The following DGKB variants were observed in gnomAD, a reference collection of about 807,000 sequenced individuals.
DGKB encodes the protein 90 kDa diacylglycerol kinase.
Under a neutral mutation model 114.3 loss-of-function variants are expected in DGKB, and 67 were observed. The observed-to-expected ratio is 0.59, with a 90% CI of 0.48 to 0.72. DGKB has a LOEUF of 0.72. DGKB is among the 30% of genes least tolerant of loss of function. The probability of loss-of-function intolerance (pLI) is 0.00; values close to 1 mark genes in which losing one functional copy is unlikely to be tolerated. For missense variants in DGKB, 907 were observed against 975.2 expected (o/e 0.93, Z 0.93); for synonymous variants, 398 against 323.1 (o/e 1.23, Z -2.49).
At chr7:14,672,761 G>A (rs1316593552) in intron 13 of DGKB, among the ~76,000 whole-genome samples, 168 bp downstream of exon 13, 1 of 152,066 alleles carries the variant, frequency 6.6e-6, no homozygotes, top group Admixed American at 6.6e-5. Context: ...GAAGGAAAAA[G>A]GAAATATAGT....
chr7:14,218,951 C>T (rs1789470361), intron 23 of DGKB, among the ~76,000 whole-genome samples: 1 of 151,794 alleles, frequency 6.6e-6, no homozygotes, highest in Non-Finnish European at 1.5e-5. Flanking sequence ...ATTCTCCCAG[C>T]AACTAATGAT....
intron 21 of DGKB, among the ~76,000 whole-genome samples, chr7:14,461,942 T>G (rs1442299266): frequency 3.9e-5 from 6 of 152,210 alleles, no homozygotes. Context: ...GATGCAAGGC[T>G]GGTTCAACAT....
intron 13 of DGKB, among the ~76,000 whole-genome samples, chr7:14,642,625 A>G (rs186727247): frequency 2.0e-5 from 3 of 152,296 alleles, no homozygotes; most frequent in South Asian, 2.1e-4. Context: ...CAAGCCTATA[A>G]TATTTATTTT....
At chr7:14,973,320 C>G (rs1562915662) in intron 1 of DGKB, among the ~76,000 whole-genome samples, 2 of 151,816 alleles carry the variant, frequency 1.3e-5, no homozygotes, top group African/African-American at 4.8e-5. Context: ...TCTTCCTCAT[C>G]TATATTGTGT....
intron 2 of DGKB, among the ~76,000 whole-genome samples, chr7:14,829,624 A>G (rs914195513): frequency 2.0e-5 from 3 of 152,086 alleles, no homozygotes; most frequent in African/African-American, 7.2e-5. Flanking sequence ...TCTTTGAGGG[A>G]TTGCGTGAAG....
chr7:14,820,873 C>T (rs1003337889), intron 2 of DGKB, among the ~76,000 whole-genome samples: 2 of 152,030 alleles, frequency 1.3e-5, no homozygotes, highest in Admixed American at 1.3e-4. Context: ...CAAGCTGGAC[C>T]CAGAGAACTG....
intron 20 of DGKB, among the ~76,000 whole-genome samples, chr7:14,543,304 C>G (rs1315617826): frequency 6.6e-6 from 1 of 151,780 alleles, no homozygotes. Context: ...ATTAGCCAGG[C>G]ATGGTGGCAT....
rs565447530 is a variant in DGKB, at chr7:14,409,880, A to G, written c.1836-64489T>C. ...TCCTTATGATTTTCTTAATAACACT[A>G]TCTTTTCTCTAGCTTACCTTGTTGT... On this transcript the variant is annotated intron_variant, in intron 21 of 25. Transcript: ENST00000402815. 7.4e-4 allele frequency among the ~76,000 whole-genome samples: 112 copies of G among 152,242 alleles called. 1 individual carries two copies. Among genetic ancestry groups the G allele is most frequent in the African/African-American group, 2.5e-3 (105 of 41,552 alleles).
chr7:14,337,376 A>C (rs911480897), intron 23 of DGKB, among the ~76,000 whole-genome samples: 1 of 152,122 alleles, frequency 6.6e-6, no homozygotes, highest in Non-Finnish European at 1.5e-5. Context: ...TGCTTGTACT[A>C]ATACAATTCT....
chr7:14,672,803 G>T (rs1207972740), intron 13 of DGKB, 126 bp downstream of exon 13: 2 of 486,048 alleles, frequency 4.1e-6, no homozygotes, highest in East Asian at 6.2e-5. Context: ...GAGTAACGAC[G>T]TATTTTAGAT....
At chr7:14,738,006 T>A (rs1832005148) in intron 4 of DGKB, among the ~76,000 whole-genome samples, 1 of 152,116 alleles carries the variant, frequency 6.6e-6, no homozygotes, top group Non-Finnish European at 1.5e-5. Flanking sequence ...GAGAAGTACT[T>A]CCAAAAAAGC....
chr7:14,210,646 C>T (rs1787609438), intron 23 of DGKB, among the ~76,000 whole-genome samples: 1 of 152,026 alleles, frequency 6.6e-6, no homozygotes, highest in Admixed American at 6.6e-5. Context: ...TTAGTCTCCG[C>T]AACATCAAAT....
intron 23 of DGKB, among the ~76,000 whole-genome samples, chr7:14,284,520 CA>C (rs1251114249): frequency 6.9e-6 from 1 of 144,136 alleles, no homozygotes; most frequent in Non-Finnish European, 1.5e-5. Flanking sequence ...GGTATATACC[CA>C]AAGGACTATA....
intron 17 of DGKB, among the ~76,000 whole-genome samples, chr7:14,587,555 A>G (rs1470397264): frequency 6.6e-6 from 1 of 152,176 alleles, no homozygotes; most frequent in Non-Finnish European, 1.5e-5. Flanking sequence ...TCTACTGTGT[A>G]TAAGATGCTA....
At chr7:14,899,640 C>A (rs1305816041) in intron 1 of DGKB, among the ~76,000 whole-genome samples, 1 of 152,076 alleles carries the variant, frequency 6.6e-6, no homozygotes, top group Non-Finnish European at 1.5e-5. Flanking sequence ...GGAAATGTCC[C>A]CATGTTCATT....
intron 23 of DGKB, among the ~76,000 whole-genome samples, chr7:14,211,382 T>TA (rs775373982): frequency 1.3e-3 from 95 of 74,928 alleles, no homozygotes; most frequent in African/African-American, 2.9e-3. Context: ...TGTTTTGTGA[T>TA]TTTACTCTCA....
intron 2 of DGKB, among the ~76,000 whole-genome samples, chr7:14,803,217 T>TAA (rs758804151): frequency 8.9e-4 from 136 of 152,214 alleles, no homozygotes; most frequent in Non-Finnish European, 1.7e-3. Flanking sequence ...GTTGAGCTTA[T>TAA]AAGTGTGAGT....
intron 23 of DGKB, among the ~76,000 whole-genome samples, chr7:14,284,336 G>T (rs1274582620): frequency 7.0e-6 from 1 of 142,734 alleles, no homozygotes. Flanking sequence ...AGTTAGAATG[G>T]CAATCATTAA....
chr7:14,600,726 T>C (rs190565761), intron 17 of DGKB, among the ~76,000 whole-genome samples: 43 of 152,296 alleles, frequency 2.8e-4, no homozygotes, highest in East Asian at 2.7e-3. Context: ...ACATTAACTC[T>C]TGAAGCTGGG....
Sources: allele counts gnomAD v4.1 joint callset (sites outside exome capture counted in the v4.1 genomes callset), GRCh38; gene constraint gnomAD v4.1.1; transcripts MANE v1.5; gene names NCBI Gene and HGNC (gene_info 2026-07-23, HGNC 2026-07-21).